CTCF: variants seen among roughly 807,000 people sequenced by gnomAD.
The protein encoded by CTCF is transcriptional repressor CTCF.
A neutral mutation model predicts 72.3 loss-of-function variants in CTCF; 7 were observed. The observed-to-expected ratio is 0.10, with a 90% CI of 0.06 to 0.18. CTCF has a LOEUF of 0.18. Among genes scored for constraint, CTCF ranks in the 10% least tolerant of loss-of-function variants. The pLI is 1.00. For synonymous variants in CTCF, 374 were observed against 315.8 expected (o/e 1.18, Z -1.95); for missense variants, 516 against 949.1 (o/e 0.54, Z 6.00).
chr16:67,584,341 T>TC (rs2051635358), intron 2 of CTCF, among the ~76,000 whole-genome samples: 1 of 144,160 alleles, frequency 6.9e-6, no homozygotes, highest in African/African-American at 2.6e-5. Flanking sequence ...AGTCTTCTTT[T>TC]TTTTTTTTTT....
chr16:67,630,429 C>G (rs2052348160), intron 10 of CTCF, among the ~76,000 whole-genome samples: 1 of 152,072 alleles, frequency 6.6e-6, no homozygotes, highest in Non-Finnish European at 1.5e-5. Flanking sequence ...CCTCTCTAGT[C>G]ATGAAACCCA....
At chr16:67,615,269 C>G (rs2052116904) in intron 4 of CTCF, 1 of 152,290 alleles carries the variant, frequency 6.6e-6, no homozygotes, top group African/African-American at 2.4e-5. Context: ...AGGCCTTTCT[C>G]TGCCCTGGAT....
intron 7 of CTCF, among the ~76,000 whole-genome samples, chr16:67,623,771 C>T (rs977576358): frequency 2.6e-5 from 4 of 151,934 alleles, no homozygotes; most frequent in African/African-American, 4.8e-5. Context: ...AAAATATAGC[C>T]GGGCACGGTG....
intron 10 of CTCF, among the ~76,000 whole-genome samples, chr16:67,630,271 T>C (rs997101811): frequency 5.3e-5 from 8 of 152,226 alleles, no homozygotes; most frequent in South Asian, 2.1e-4. Context: ...TCTTCACTTA[T>C]GGTTTGACTG....
At chr16:67,633,327 A>C (rs2142879204) in intron 10 of CTCF, among the ~76,000 whole-genome samples, 1 of 152,334 alleles carries the variant, frequency 6.6e-6, no homozygotes, top group African/African-American at 2.4e-5. Context: ...TCAGCTGGTC[A>C]GATGTCCCAG....
intron 2 of CTCF, among the ~76,000 whole-genome samples, chr16:67,594,383 CAAAA>C (rs749617312): frequency 5.8e-5 from 4 of 68,564 alleles, no homozygotes; most frequent in Non-Finnish European, 6.2e-5. Context: ...GACCCTGTCT[CAAAA>C]AAAAAAAAAA....
At chr16:67,606,848 C>T (rs1393325157) in intron 2 of CTCF, among the ~76,000 whole-genome samples, 4 of 151,180 alleles carry the variant, frequency 2.6e-5, no homozygotes, top group East Asian at 1.9e-4. Context: ...CTGCAATCTC[C>T]GCCTCCAGGC....
intron 11 of CTCF, among the ~76,000 whole-genome samples, chr16:67,637,455 C>G (rs1391333711): frequency 5.3e-5 from 8 of 152,138 alleles, no homozygotes; most frequent in Admixed American, 1.3e-4. Flanking sequence ...TTGCTTTAAC[C>G]CGGGGGGCAG....
intron 2 of CTCF, among the ~76,000 whole-genome samples, chr16:67,604,936 G>A (rs191317883): frequency 1.3e-3 from 157 of 125,192 alleles, no homozygotes; most frequent in Middle Eastern, 5.4e-3. Context: ...ATTATGCTTA[G>A]TCTTTTACAA....
intron 2 of CTCF, among the ~76,000 whole-genome samples, chr16:67,574,498 C>A (rs577770862): frequency 1.3e-5 from 2 of 151,950 alleles, no homozygotes; most frequent in East Asian, 3.9e-4. Flanking sequence ...TTCACCCCCA[C>A]GCCTGGCTAA....
intron 1 of CTCF, among the ~76,000 whole-genome samples, chr16:67,566,884 TG>T (rs2051349855): frequency 6.7e-6 from 1 of 149,398 alleles, no homozygotes; most frequent in Non-Finnish European, 1.5e-5. Flanking sequence ...GGGGTTTGTT[TG>T]TTTGTTTTAA....
At chr16:67,609,972 G>A in intron 2 of CTCF, among the ~76,000 whole-genome samples, 1 of 152,050 alleles carries the variant, frequency 6.6e-6, no homozygotes, top group East Asian at 1.9e-4. Context: ...TGTCTTGGAG[G>A]ATGTTTAATA....
intron 2 of CTCF, among the ~76,000 whole-genome samples, chr16:67,603,733 G>A (rs1407054943): frequency 6.6e-6 from 1 of 151,552 alleles, no homozygotes; most frequent in Non-Finnish European, 1.5e-5. Context: ...GCTGAGGCAG[G>A]AGAATGGCGT....
At chr16:67,565,222 G>C (rs989554277) in intron 1 of CTCF, among the ~76,000 whole-genome samples, 1 of 151,828 alleles carries the variant, frequency 6.6e-6, no homozygotes, top group Non-Finnish European at 1.5e-5. Flanking sequence ...GGCTGGTCTC[G>C]AACTCCTGAC....
In CTCF at chr16:67,632,500, A is replaced by G. The variant is rs1597729554; in HGVS notation, c.1837+2967A>G. Among the ~76,000 whole-genome samples, 3 of 152,356 alleles carry G rather than the reference A, an allele frequency of 2.0e-5. No individual in the cohort carries two copies. In the South Asian group the frequency reaches 6.2e-4, roughly 32 times the overall value. On this transcript the variant is annotated intron_variant, in intron 10 of 11. Coordinates refer to ENST00000264010, the MANE Select transcript of CTCF (RefSeq NM_006565.4). ...CCTGGGCTCCATGCCACTGTTGGCCATGCAGTCTTACTTGTCCTGACCCAG... is the reference window on the plus strand; with the variant it reads ...CCTGGGCTCCATGCCACTGTTGGCCGTGCAGTCTTACTTGTCCTGACCCAG...
At chr16:67,590,953 T>A (rs1212957051) in intron 2 of CTCF, among the ~76,000 whole-genome samples, 2 of 110,712 alleles carry the variant, frequency 1.8e-5, no homozygotes, top group South Asian at 3.2e-4. Context: ...AGAGTGAGAC[T>A]CTGTCTCAAA....
intron 2 of CTCF, among the ~76,000 whole-genome samples, chr16:67,588,147 T>G (rs2051693701): frequency 6.6e-6 from 1 of 152,162 alleles, no homozygotes; most frequent in Non-Finnish European, 1.5e-5. Flanking sequence ...GATGAGCCAC[T>G]GCGCCCAGCC....
intron 2 of CTCF, 111 bp from the exon 3 acceptor site, chr16:67,610,710 TAAC>T: frequency 1.4e-6 from 1 of 717,636 alleles, no homozygotes; most frequent in Non-Finnish European, 2.1e-6. Context: ...TTTTTAATAT[TAAC>T]AACCATTGAT....
intron 2 of CTCF, among the ~76,000 whole-genome samples, chr16:67,586,707 T>A (rs1351112076): frequency 6.6e-6 from 1 of 152,128 alleles, no homozygotes; most frequent in Non-Finnish European, 1.5e-5. Flanking sequence ...TACATGTGTA[T>A]CTTTGTTTTT....
Sources: gnomAD v4.1 joint callset for allele counts (sites outside exome capture counted in the v4.1 genomes callset) on GRCh38, gnomAD v4.1.1 for gene constraint, MANE v1.5 for transcripts, NCBI Gene and HGNC (gene_info 2026-07-23, HGNC 2026-07-21) for gene names.